Variants in AKAP13 observed in about 807,000 individuals in gnomAD.
The protein encoded by AKAP13 is A-kinase anchoring protein 13.
AKAP13 carries 80 observed loss-of-function variants against 264.5 expected under a neutral mutation model. The observed-to-expected ratio is 0.30, with a 90% CI of 0.25 to 0.36. AKAP13 has a LOEUF of 0.36. AKAP13 is among the 10% of genes least tolerant of loss of function. The pLI, the probability that AKAP13 is intolerant of heterozygous loss-of-function variation, is 1.00. For synonymous variants in AKAP13, 1,380 were observed against 1,250.2 expected, an observed-to-expected ratio of 1.10 and a Z score of -2.19; for missense variants, 3,712 against 3,435.2, an observed-to-expected ratio of 1.08 and a Z score of -2.01.
chr15:85,701,237 T>C (rs1277219665), intron 17 of AKAP13: 1 of 152,142 alleles, frequency 6.6e-6, no homozygotes, highest in African/African-American at 2.4e-5. Flanking sequence ...GCACGTTATT[T>C]CATGAAGTCC....
intron 5 of AKAP13, among the ~76,000 whole-genome samples, chr15:85,573,460 C>A (rs1173901164): frequency 6.6e-6 from 1 of 151,882 alleles, no homozygotes; most frequent in Non-Finnish European, 1.5e-5. Context: ...GCAGGAGAAT[C>A]GATGAACCTG....
rs2089332274 is a variant in AKAP13, at chr15:85,745,195, G to A, written c.*518G>A. The A allele has an allele frequency of 6.5e-6, 1 of 153,056 alleles. No homozygotes were observed. Among genetic ancestry groups the A allele is most frequent in the African/African-American group, 2.4e-5 (1 of 41,450 alleles). 9.5% of individuals were successfully genotyped at this position (153,056 alleles called of 1,614,324 possible). ...TCAACTTAGCACAAGGGCAGTGCCT[G>A]GACGGACCCGGAGCCCCCGCATATC... is the stretch of plus-strand genomic sequence containing the variant. On this transcript the variant is annotated 3_prime_UTR_variant, in exon 37 of 37. Transcript: ENST00000394518.
intron 12 of AKAP13, among the ~76,000 whole-genome samples, chr15:85,663,689 T>A (rs1282715014): frequency 6.6e-6 from 1 of 152,190 alleles, no homozygotes. Flanking sequence ...TAAAGAAGTT[T>A]CCGCTGCAGT....
intron 1 of AKAP13, among the ~76,000 whole-genome samples, chr15:85,404,273 C>T (rs1008093640): frequency 1.3e-5 from 2 of 152,162 alleles, no homozygotes; most frequent in Non-Finnish European, 2.9e-5. Flanking sequence ...GTTTATTCTT[C>T]TTTTAGCTCA....
At chr15:85,460,949 GTT>G (rs35141349) in intron 1 of AKAP13, among the ~76,000 whole-genome samples, 1 of 148,524 alleles carries the variant, frequency 6.7e-6, no homozygotes, top group African/African-American at 2.5e-5. Context: ...GGGGAACAGA[GTT>G]TTTTTTTTTG....
chr15:85,485,827 T>G (rs1448496171), intron 2 of AKAP13, 74 bp downstream of exon 2: 7 of 1,423,536 alleles, frequency 4.9e-6, no homozygotes, highest in Non-Finnish European at 6.9e-6. Flanking sequence ...AGCCACACTC[T>G]CACATGATAG....
At chr15:85,486,134 G>A (rs1454239885) in intron 2 of AKAP13, among the ~76,000 whole-genome samples, 3 of 152,214 alleles carry the variant, frequency 2.0e-5, no homozygotes, top group Non-Finnish European at 4.4e-5. Context: ...CCACTAGGTG[G>A]CACTATGTCA....
chr15:85,483,434 G>A (rs1452917664), intron 1 of AKAP13, among the ~76,000 whole-genome samples: 3 of 152,022 alleles, frequency 2.0e-5, no homozygotes, highest in Non-Finnish European at 4.4e-5. Context: ...AGACCATCCT[G>A]GCTAACAAGG....
chr15:85,443,291 G>T (rs2073776208), intron 1 of AKAP13, among the ~76,000 whole-genome samples: 1 of 152,010 alleles, frequency 6.6e-6, no homozygotes, highest in Non-Finnish European at 1.5e-5. Context: ...TTTAGCTTTG[G>T]TGTTTATTAG....
At chr15:85,485,589 G>A in intron 1 of AKAP13, 121 bp from the exon 2 acceptor site, 4 of 760,908 alleles carry the variant, frequency 5.3e-6, no homozygotes, top group Non-Finnish European at 9.0e-6. Flanking sequence ...TGGGCATATG[G>A]TAATCTCGGG....
At chr15:85,621,103 G>C (rs1199515687) in intron 8 of AKAP13, among the ~76,000 whole-genome samples, 1 of 152,158 alleles carries the variant, frequency 6.6e-6, no homozygotes, top group Non-Finnish European at 1.5e-5. Context: ...CCTTGGTCAA[G>C]GAAATAGTGG....
At chr15:85,614,961 C>T (rs973193285) in intron 8 of AKAP13, among the ~76,000 whole-genome samples, 8 of 152,188 alleles carry the variant, frequency 5.3e-5, no homozygotes, top group African/African-American at 1.9e-4. Context: ...TATCCTGTCA[C>T]TTTTTCCCAA....
intron 8 of AKAP13, among the ~76,000 whole-genome samples, chr15:85,607,807 G>A (rs531470224): frequency 4.6e-5 from 7 of 152,276 alleles, no homozygotes; most frequent in African/African-American, 7.2e-5. Context: ...TAAAATATGT[G>A]TTCTAGTTAA....
Position 85,580,318 on chromosome 15 carries a change from A to C in AKAP13, c.2250A>C (p.Lys750Asn). The stretch of plus-strand genomic sequence containing the variant: ...AACGAAAAGATGTGAAACTAGATAA[A>C]CCTTTAACAAATATGCTTGAGGTGG... ...KGQRKDVKLD[K>N]PLTNMLEVVS... Residue 750 changes from lysine to asparagine, a missense_variant, in exon 7 of 37, where the codon AAA becomes AAC. Physicochemically the swap from Lys to Asn is moderately conservative, Grantham distance 94. Coordinates refer to ENST00000394518, the MANE Select transcript of AKAP13 (RefSeq NM_007200.5). 1 of 1,614,194 alleles carries C rather than the reference A, an allele frequency of 6.2e-7. No individual in the cohort carries two copies. Among genetic ancestry groups the C allele is most frequent in the Non-Finnish European group, 8.5e-7 (1 of 1,180,042 alleles).
intron 8 of AKAP13, among the ~76,000 whole-genome samples, chr15:85,615,836 T>C (rs531978114): frequency 2.6e-5 from 4 of 152,194 alleles, no homozygotes; most frequent in Non-Finnish European, 5.9e-5. Context: ...GTATATAATA[T>C]TAGAGCAAGA....
Position 85,748,504 on chromosome 15 carries a change from A to C in AKAP13, c.*3827A>C. The C allele has an allele frequency of 6.6e-6, 1 of 152,304 alleles. No individual in the cohort carries two copies. Among genetic ancestry groups the C allele is most frequent in the South Asian group, 2.1e-4 (1 of 4,828 alleles). 9.4% of individuals were successfully genotyped at this position (152,304 alleles called of 1,614,324 possible). A position where few individuals can be genotyped will look rare whatever the true frequency, so the allele number is the denominator to read the frequency against. On this transcript the variant is annotated 3_prime_UTR_variant, in exon 37 of 37. Coordinates refer to ENST00000394518, the MANE Select transcript of AKAP13 (RefSeq NM_007200.5). ...GTCGCTCTCGTCCATCCTCAGAGAC[A>C]AAGAAGAGGGCAGGGAGTTTGGGCT...
At chr15:85,589,489 C>G (rs1367040785) in intron 8 of AKAP13, among the ~76,000 whole-genome samples, 4 of 152,030 alleles carry the variant, frequency 2.6e-5, no homozygotes, top group South Asian at 2.1e-4. Context: ...GGCACAGCGG[C>G]TCATGCCTGT....
At chr15:85,699,649 T>A (rs1027158523) in intron 17 of AKAP13, among the ~76,000 whole-genome samples, 1 of 152,208 alleles carries the variant, frequency 6.6e-6, no homozygotes, top group South Asian at 2.1e-4. Flanking sequence ...CCACTGATAG[T>A]TTCAAAGGTT....
At chr15:85,740,470 G>C in intron 34 of AKAP13, 198 bp downstream of exon 34, 4 of 578,918 alleles carry the variant, frequency 6.9e-6, no homozygotes, top group Non-Finnish European at 9.1e-6. Context: ...TGAAGAGCTG[G>C]TGTGCCGTAG....
Sources: gnomAD v4.1 joint callset for allele counts (sites outside exome capture counted in the v4.1 genomes callset) on GRCh38, gnomAD v4.1.1 for gene constraint, MANE v1.5 for transcripts, NCBI Gene and HGNC (gene_info 2026-07-23, HGNC 2026-07-21) for gene names.